HDX: variants seen among roughly 807,000 people sequenced by gnomAD.
HDX encodes the protein highly divergent homeobox.
In HDX, 19 loss-of-function variants were observed where a neutral mutation model predicts 45.2. The ratio of observed to expected loss-of-function variants is 0.42; its 90% CI spans 0.29 to 0.62. HDX has a LOEUF of 0.62. Ranked by LOEUF, HDX falls within the 20% of genes least tolerant of loss-of-function variation. The pLI, the probability that HDX is intolerant of heterozygous loss-of-function variation, is 0.20. For synonymous variants in HDX, 188 were observed against 172.8 expected (o/e 1.09, Z -0.69); for missense variants, 532 against 493.9 (o/e 1.08, Z -0.73).
At chrX:84,368,864 T>C (rs1330426952) in intron 5 of HDX, among the ~76,000 whole-genome samples, 1 of 111,054 alleles carries the variant, frequency 9.0e-6, no homozygotes, top group Non-Finnish European at 1.9e-5. Context: ...CAGGCATTAA[T>C]TAGATTCTCA....
At chrX:84,441,660 C>T (rs150003918) in intron 4 of HDX, among the ~76,000 whole-genome samples, 1,621 of 110,787 alleles carry the variant, frequency 0.015, 26 homozygotes, top group African/African-American at 0.051. Context: ...GAATTATGTC[C>T]CAGTGTCTAG....
intron 5 of HDX, among the ~76,000 whole-genome samples, chrX:84,425,250 C>A (rs1238770622): frequency 8.9e-6 from 1 of 111,826 alleles, no homozygotes; most frequent in Non-Finnish European, 1.9e-5. Context: ...AAATGCAAAT[C>A]AAAATTACAA....
rs761187194 is a variant in HDX, at chrX:84,326,813, G to T, written c.1825-513C>A. On this transcript the variant is annotated intron_variant, in intron 9 of 10. Transcript: ENST00000373177. ...TGTAGTCCAAGCTACTTGGGAGGCT[G>T]AGGCAGAAGAATCACTTGAACCTTG... 2.6e-3 allele frequency among the ~76,000 whole-genome samples: 288 copies of T among 109,920 alleles called. 2 individuals carry two copies. Among genetic ancestry groups the T allele is most frequent in the African/African-American group, 9.2e-3 (278 of 30,191 alleles).
At chrX:84,398,098 A>G (rs888605927) in intron 5 of HDX, among the ~76,000 whole-genome samples, 5 of 110,069 alleles carry the variant, frequency 4.5e-5, no homozygotes, top group South Asian at 8.1e-4. Context: ...GTATGTGTGT[A>G]TGTATATATA....
At chrX:84,471,345 A>G (rs944534056) in intron 3 of HDX, among the ~76,000 whole-genome samples, 1 of 108,759 alleles carries the variant, frequency 9.2e-6, no homozygotes, top group African/African-American at 3.3e-5. Context: ...TAAAAAAACT[A>G]AAGTATAAAG....
intron 5 of HDX, among the ~76,000 whole-genome samples, chrX:84,375,711 A>G (rs1261514384): frequency 9.7e-6 from 1 of 103,166 alleles, no homozygotes; most frequent in Non-Finnish European, 2.0e-5. Flanking sequence ...ACATGGACAC[A>G]GGAAGGGGAA....
At chrX:84,488,759 G>A (rs2040841877) in intron 1 of HDX, among the ~76,000 whole-genome samples, 1 of 111,678 alleles carries the variant, frequency 9.0e-6, no homozygotes, top group Non-Finnish European at 1.9e-5. Flanking sequence ...ACTCTCTTGA[G>A]TTGTTAAACA....
intron 1 of HDX, among the ~76,000 whole-genome samples, chrX:84,501,018 C>CA: frequency 9.1e-6 from 1 of 110,181 alleles, no homozygotes; most frequent in African/African-American, 3.3e-5. Flanking sequence ...AAAGGAGGAA[C>CA]GTGTGAGAAG....
intron 4 of HDX, among the ~76,000 whole-genome samples, chrX:84,454,091 G>A (rs1266220972): frequency 8.9e-6 from 1 of 111,856 alleles, no homozygotes; most frequent in Non-Finnish European, 1.9e-5. Context: ...ACTTGCTATG[G>A]TACTTGGGTA....
intron 5 of HDX, among the ~76,000 whole-genome samples, chrX:84,437,776 C>T (rs2039670912): frequency 9.0e-6 from 1 of 111,287 alleles, no homozygotes; most frequent in Non-Finnish European, 1.9e-5. Context: ...CTTGTTCCCT[C>T]TTCCTGTTGC....
At chrX:84,485,604 G>A (rs2040774164) in intron 2 of HDX, among the ~76,000 whole-genome samples, 1 of 111,304 alleles carries the variant, frequency 9.0e-6, no homozygotes. Flanking sequence ...CACCATGTTG[G>A]CCAGGCTGGT....
At chrX:84,414,032 G>A (rs1014008787) in intron 5 of HDX, among the ~76,000 whole-genome samples, 4 of 111,610 alleles carry the variant, frequency 3.6e-5, no homozygotes, top group African/African-American at 1.3e-4. Flanking sequence ...AAGAAATTAA[G>A]TTTCATAGAC....
chrX:84,466,373 C>T (rs1333909377), intron 4 of HDX, among the ~76,000 whole-genome samples: 1 of 111,458 alleles, frequency 9.0e-6, no homozygotes, highest in Non-Finnish European at 1.9e-5. Context: ...GAGACTGTTA[C>T]ACAAAGAGGA....
At position 84,469,565 on chromosome X, in the gene HDX, C is replaced by T; in HGVS notation, c.158G>A (p.Gly53Asp). Residue 53 changes from glycine to aspartate, a missense_variant, in exon 4 of 11, where the codon GGC becomes GAC. By Grantham distance (94) the Gly-to-Asp change is moderately conservative. Transcript: ENST00000373177. Reference sequence around the variant, plus strand: ...ACTACTCATCTTTCTTCTCTTATTGCCAACCCACGTCTGGAAGGATAAAAC... The same window carrying T: ...ACTACTCATCTTTCTTCTCTTATTGTCAACCCACGTCTGGAAGGATAAAAC... ...LDFSVVRTWV[G>D]NKRRKMSSKN... The T allele has an allele frequency of 8.5e-7, 1 of 1,179,585 alleles. No individual in the cohort carries two copies. Among genetic ancestry groups the T allele is most frequent in the Non-Finnish European group, 1.1e-6 (1 of 879,417 alleles).
Position 84,318,655 on chromosome X carries a change from A to G in HDX, c.*3234T>C, listed in dbSNP as rs2036543250. On this transcript the variant is annotated 3_prime_UTR_variant, in exon 11 of 11. Transcript: ENST00000373177. ...TATGTTTTCTCCTACAAACTTACAG[A>G]CTGCTGAATATGAAAGTGCCTCACA... 1 of 111,353 alleles carries G rather than the reference A, an allele frequency of 9.0e-6. No individual in the cohort carries two copies. Among genetic ancestry groups the G allele is most frequent in the Non-Finnish European group, 1.9e-5 (1 of 52,634 alleles). The allele number at this position is 111,353 out of a possible 1,213,427, so 9.2% of individuals were successfully genotyped here.
At chrX:84,433,490 G>A (rs151066610) in intron 5 of HDX, among the ~76,000 whole-genome samples, 6,736 of 111,209 alleles carry the variant, frequency 0.061, 184 homozygotes, top group South Asian at 0.16. Flanking sequence ...AAAATCATCT[G>A]GCTGTAAGTA....
intron 5 of HDX, among the ~76,000 whole-genome samples, chrX:84,370,269 C>T (rs947283835): frequency 1.8e-5 from 2 of 111,585 alleles, no homozygotes; most frequent in African/African-American, 6.5e-5. Flanking sequence ...TTTCCTCGTT[C>T]GCAGGCCTTT....
chrX:84,480,528 T>C (rs748741764), intron 2 of HDX, among the ~76,000 whole-genome samples: 5 of 111,588 alleles, frequency 4.5e-5, no homozygotes, highest in Non-Finnish European at 9.4e-5. Flanking sequence ...CTTTTATGTT[T>C]ATTAAACTGA....
chrX:84,356,437 T>C (rs1057246689), intron 6 of HDX, among the ~76,000 whole-genome samples: 1 of 110,185 alleles, frequency 9.1e-6, no homozygotes, highest in East Asian at 2.9e-4. Context: ...AAGAAGAAAA[T>C]GGTAAAATTC....
Sources: allele counts gnomAD v4.1 joint callset (sites outside exome capture counted in the v4.1 genomes callset), GRCh38; gene constraint gnomAD v4.1.1; transcripts MANE v1.5; gene names NCBI Gene and HGNC (gene_info 2026-07-23, HGNC 2026-07-21).